The following YTHDF3 variants were observed in gnomAD, a reference collection of about 807,000 sequenced individuals.
YTHDF3 encodes the protein YTH N6-methyladenosine RNA binding protein F3.
A neutral mutation model predicts 52.5 loss-of-function variants in YTHDF3; 9 were observed. That is an observed-to-expected ratio of 0.17 (90% CI 0.10 to 0.30). The LOEUF (loss-of-function observed/expected upper bound fraction) is 0.30. Among genes scored for constraint, YTHDF3 ranks in the 10% least tolerant of loss-of-function variants. The pLI is 1.00. For missense variants in YTHDF3, 534 were observed against 715.0 expected (o/e 0.75, Z 2.89); for synonymous variants, 274 against 243.3 (o/e 1.13, Z -1.18).
At position 63,186,295 on chromosome 8, in the gene YTHDF3, A is replaced by G; in HGVS notation, c.284A>G (p.Asn95Ser). 1 of 1,614,034 alleles carries G rather than the reference A, an allele frequency of 6.2e-7. No homozygotes were observed. The highest frequency in any genetic ancestry group is 8.5e-7 in the Non-Finnish European group (1 of 1,179,898). The change falls in exon 4 of 5, where the codon AAT (asparagine) becomes AGT (serine). Residue 95 changes from asparagine to serine, a missense_variant. Physicochemically the swap from Asn to Ser is conservative, Grantham distance 46. Around this residue, in one of 3 missense-constraint regions of YTHDF3, gnomAD observed 196 missense variants for 299.5 expected, o/e 0.65. Transcript: ENST00000539294. Reference sequence around the variant, plus strand: ...CTGACAACCTATGGACAAATGAGTAATGGAGAACATCACTATATACCAGAT... The same window carrying G: ...CTGACAACCTATGGACAAATGAGTAGTGGAGAACATCACTATATACCAGAT... ...PYLTTYGQMS[N>S]GEHHYIPDGV...
chr8:63,205,350 G>T (rs189552044), intron 4 of YTHDF3, among the ~76,000 whole-genome samples: 1 of 151,838 alleles, frequency 6.6e-6, no homozygotes, highest in Non-Finnish European at 1.5e-5. Flanking sequence ...ATGTAATTAT[G>T]ATGTTAACTA....
intron 3 of YTHDF3, among the ~76,000 whole-genome samples, chr8:63,180,163 T>C (rs1808011927): frequency 6.8e-6 from 1 of 147,776 alleles, no homozygotes; most frequent in Middle Eastern, 3.5e-3. Context: ...GCGGAGGGGC[T>C]CCTCACTTCT....
chr8:63,170,143 G>T (rs1329423470), intron 2 of YTHDF3, among the ~76,000 whole-genome samples: 2 of 152,162 alleles, frequency 1.3e-5, no homozygotes, highest in Admixed American at 6.5e-5. Context: ...GTGACATTTA[G>T]TTAAGTATAG....
At chr8:63,191,284 G>A (rs1000721666) in intron 4 of YTHDF3, among the ~76,000 whole-genome samples, 5 of 152,092 alleles carry the variant, frequency 3.3e-5, no homozygotes, top group Admixed American at 2.0e-4. Flanking sequence ...CAACAAATAT[G>A]TTGAATCTTT....
chr8:63,185,907 C>CGG (rs1808467951), intron 3 of YTHDF3, among the ~76,000 whole-genome samples: 1 of 152,174 alleles, frequency 6.6e-6, no homozygotes, highest in African/African-American at 2.4e-5. Context: ...TATACCCCCA[C>CGG]TCTCATCCCT....
In YTHDF3 at chr8:63,174,169, T is replaced by A. The variant is rs561064682; in HGVS notation, c.50-1162T>A. ...CTCCTAACTTCATAAAATTTGGTGATGTTGTACCTTTGAGCAGTAAATCTT... is the reference window on the plus strand; with the variant it reads ...CTCCTAACTTCATAAAATTTGGTGAAGTTGTACCTTTGAGCAGTAAATCTT... On this transcript the variant is annotated intron_variant, in intron 2 of 4. Transcript: ENST00000539294. 3.9e-5 allele frequency among the ~76,000 whole-genome samples: 6 copies of A among 152,348 alleles called. No homozygotes were observed. In the South Asian group the frequency reaches 1.2e-3, roughly 32 times the overall value.
chr8:63,168,654 G>A lies in YTHDF3; in HGVS notation c.-224G>A, dbSNP rs1169004746. On this transcript the variant is annotated 5_prime_UTR_variant, in exon 1 of 5. Coordinates refer to ENST00000539294, the MANE Select transcript of YTHDF3 (RefSeq NM_152758.6). ...GGAGTCTGTCCGCCATTGTGGACCCGAGAAGCAGAGAGCGAGAGGGGGAAG... is the reference window on the plus strand; with the variant it reads ...GGAGTCTGTCCGCCATTGTGGACCCAAGAAGCAGAGAGCGAGAGGGGGAAG... The A allele has an allele frequency of 7.6e-6, 6 of 786,306 alleles. No homozygotes were observed. The highest frequency in any genetic ancestry group is 1.0e-5 in the Non-Finnish European group (5 of 496,546). 48.7% of individuals were successfully genotyped at this position (786,306 alleles called of 1,614,324 possible). A position where few individuals can be genotyped will look rare whatever the true frequency, so the allele number is the denominator to read the frequency against.
At chr8:63,208,249 A>G (rs1013282107) in intron 4 of YTHDF3, among the ~76,000 whole-genome samples, 2 of 152,218 alleles carry the variant, frequency 1.3e-5, no homozygotes, top group African/African-American at 4.8e-5. Flanking sequence ...CCAGGAATGT[A>G]TTAAAATAAA....
intron 4 of YTHDF3, among the ~76,000 whole-genome samples, chr8:63,202,593 C>T (rs1228411797): frequency 6.6e-6 from 1 of 151,942 alleles, no homozygotes; most frequent in Non-Finnish European, 1.5e-5. Context: ...TCCCAAGTAG[C>T]TGGGATTACA....
chr8:63,170,294 T>C (rs1807232216), intron 2 of YTHDF3, among the ~76,000 whole-genome samples: 1 of 152,208 alleles, frequency 6.6e-6, no homozygotes, highest in Non-Finnish European at 1.5e-5. Flanking sequence ...TTAAGATCTA[T>C]AATAGCCTTT....
intron 4 of YTHDF3, among the ~76,000 whole-genome samples, chr8:63,205,625 G>A (rs1029010423): frequency 6.6e-6 from 1 of 151,790 alleles, no homozygotes; most frequent in African/African-American, 2.4e-5. Flanking sequence ...ATAAAGACAG[G>A]GTTTCCCCAT....
intron 2 of YTHDF3, among the ~76,000 whole-genome samples, chr8:63,174,194 T>C (rs1807536153): frequency 6.6e-6 from 1 of 152,230 alleles, no homozygotes; most frequent in Admixed American, 6.5e-5. Context: ...CAGTAAATCT[T>C]TAGATACTGA....
rs767729162 is a variant in YTHDF3, at chr8:63,211,505, T to G, written c.*1799T>G. 4.6e-5 allele frequency: 7 copies of G among 152,568 alleles called. 1 individual carries two copies. The highest frequency in any genetic ancestry group is 4.6e-4 in the Admixed American group (7 of 15,270). 9.5% of individuals were successfully genotyped at this position (152,568 alleles called of 1,614,324 possible). A position where few individuals can be genotyped will look rare whatever the true frequency, so the allele number is the denominator to read the frequency against. On this transcript the variant is annotated 3_prime_UTR_variant, in exon 5 of 5. Coordinates refer to ENST00000539294, the MANE Select transcript of YTHDF3 (RefSeq NM_152758.6). Reference sequence around the variant, plus strand: ...TCCCTAAGATTATCTAGGTAGGACATGTCAAAGATGACTGTTGTCATTCTG... The same window carrying G: ...TCCCTAAGATTATCTAGGTAGGACAGGTCAAAGATGACTGTTGTCATTCTG...
intron 3 of YTHDF3, among the ~76,000 whole-genome samples, chr8:63,178,128 T>A (rs1351253492): frequency 1.3e-5 from 2 of 152,226 alleles, no homozygotes; most frequent in African/African-American, 4.8e-5. Flanking sequence ...CTGAGTAATC[T>A]TCTTGCATGT....
chr8:63,173,213 T>TATATATATATATATATATACACAC (rs947970396), intron 2 of YTHDF3, among the ~76,000 whole-genome samples: 1 of 146,104 alleles, frequency 6.8e-6, no homozygotes, highest in African/African-American at 2.6e-5. Flanking sequence ...TATATATATA[T>TATATATATATATATATATACACAC]ACAGATAAAT....
intron 4 of YTHDF3, among the ~76,000 whole-genome samples, chr8:63,194,956 A>G (rs1809142118): frequency 6.6e-6 from 1 of 152,202 alleles, no homozygotes; most frequent in South Asian, 2.1e-4. Flanking sequence ...GATTATGACA[A>G]CAAACAAGGA....
intron 3 of YTHDF3, among the ~76,000 whole-genome samples, chr8:63,176,043 A>G (rs1048221800): frequency 3.3e-5 from 5 of 152,196 alleles, no homozygotes; most frequent in African/African-American, 9.6e-5. Flanking sequence ...TTTGTGTACA[A>G]GCGTAATTCC....
At position 63,210,616 on chromosome 8, in the gene YTHDF3, T is replaced by C. The variant is rs1810321153; in HGVS notation, c.*910T>C. ...TTACTCTAGGTATTCACTAGCTAAATAAACATAGTTCTTGTTTAGCAAGCA... is the reference window on the plus strand; with the variant it reads ...TTACTCTAGGTATTCACTAGCTAAACAAACATAGTTCTTGTTTAGCAAGCA... On this transcript the variant is annotated 3_prime_UTR_variant, in exon 5 of 5. Transcript: ENST00000539294. The C allele has an allele frequency of 6.6e-6, 1 of 152,594 alleles. No homozygotes were observed. The highest frequency in any genetic ancestry group is 1.5e-5 in the Non-Finnish European group (1 of 67,990). 9.5% of individuals were successfully genotyped at this position (152,594 alleles called of 1,614,324 possible). A position where few individuals can be genotyped will look rare whatever the true frequency, so the allele number is the denominator to read the frequency against.
At chr8:63,169,548 A>C in intron 2 of YTHDF3, 137 bp downstream of exon 2, 1 of 953,624 alleles carries the variant, frequency 1.0e-6, no homozygotes, top group Non-Finnish European at 1.6e-6. Flanking sequence ...ATCATGGCTA[A>C]GGTAGCCAAG....
Sources: allele counts gnomAD v4.1 joint callset (sites outside exome capture counted in the v4.1 genomes callset), GRCh38; gene constraint gnomAD v4.1.1; regional missense constraint gnomAD v4.1.1; transcripts MANE v1.5; gene names NCBI Gene and HGNC (gene_info 2026-07-23, HGNC 2026-07-21).